The following FOXN3 variants were observed in gnomAD, a reference collection of about 807,000 sequenced individuals.
FOXN3 encodes forkhead box N3, also known as forkhead box protein N3.
A neutral mutation model predicts 38.4 loss-of-function variants in FOXN3; 7 were observed. That is an observed-to-expected ratio of 0.18 (90% CI 0.10 to 0.34). The LOEUF (loss-of-function observed/expected upper bound fraction) is 0.34. Among genes scored for constraint, FOXN3 ranks in the 10% least tolerant of loss-of-function variants. The pLI is 1.00. For missense variants in FOXN3, 456 were observed against 613.4 expected (o/e 0.74, Z 2.71); for synonymous variants, 230 against 242.2 (o/e 0.95, Z 0.47).
chr14:89,554,293 C>G (rs61996530), intron 1 of FOXN3, among the ~76,000 whole-genome samples: 1,859 of 152,212 alleles, frequency 0.012, 8 homozygotes, highest in Middle Eastern at 0.037. Context: ...AGCCACCACG[C>G]CTGGCCTACT....
At chr14:89,606,109 G>A (rs1472529845) in intron 1 of FOXN3, among the ~76,000 whole-genome samples, 1 of 151,926 alleles carries the variant, frequency 6.6e-6, no homozygotes, top group Admixed American at 6.6e-5. Flanking sequence ...AGAATTAGAG[G>A]CTATTATAAA....
At chr14:89,446,500 T>G (rs1218049964) in intron 1 of FOXN3, among the ~76,000 whole-genome samples, 1 of 152,198 alleles carries the variant, frequency 6.6e-6, no homozygotes, top group Admixed American at 6.5e-5. Context: ...TAAAAGTCAC[T>G]TTTTTAAGAA....
intron 5 of FOXN3, among the ~76,000 whole-genome samples, chr14:89,166,766 T>C (rs1347249272): frequency 1.3e-5 from 2 of 152,226 alleles, no homozygotes; most frequent in South Asian, 2.1e-4. Flanking sequence ...AATCCATAAG[T>C]TACACACAAA....
intron 4 of FOXN3, among the ~76,000 whole-genome samples, chr14:89,187,782 T>A (rs7159060): frequency 0.022 from 3,348 of 152,246 alleles, 135 homozygotes; most frequent in African/African-American, 0.077. Context: ...GCCAGCTGGC[T>A]TCCCAAGTGC....
intron 1 of FOXN3, among the ~76,000 whole-genome samples, chr14:89,546,329 C>CTTTTTTTTTTTTTTTTTTTTTT (rs1157998619): frequency 1.0e-4 from 8 of 78,332 alleles, no homozygotes; most frequent in East Asian, 7.4e-4. Flanking sequence ...TTTCCTTTTT[C>CTTTTTTTTTTTTTTTTTTTTTT]TTTTTTTTTT....
At chr14:89,369,413 C>T (rs141726131) in intron 2 of FOXN3, among the ~76,000 whole-genome samples, 2 of 152,236 alleles carry the variant, frequency 1.3e-5, no homozygotes, top group East Asian at 1.9e-4. Flanking sequence ...AAACATTTTA[C>T]GTACATTATT....
In FOXN3 at chr14:89,160,768, C is replaced by T. The variant is rs1204135472; in HGVS notation, c.*1646G>A. 1 of 152,328 alleles carries T rather than the reference C, an allele frequency of 6.6e-6. No homozygotes were observed. The highest frequency in any genetic ancestry group is 1.5e-5 in the Non-Finnish European group (1 of 68,024). 9.4% of individuals were successfully genotyped at this position (152,328 alleles called of 1,614,324 possible). Reference sequence around the variant, plus strand: ...CAGAGTTCAACCATCCAAGCCCTACCAGAGCATGAAGATATTTTTATATTG... The same window carrying T: ...CAGAGTTCAACCATCCAAGCCCTACTAGAGCATGAAGATATTTTTATATTG... On this transcript the variant is annotated 3_prime_UTR_variant, in exon 6 of 6. Coordinates refer to ENST00000557258, the MANE Select transcript of FOXN3 (RefSeq NM_005197.4).
In FOXN3 at chr14:89,536,307, A is replaced by C. The variant is rs1894685746; in HGVS notation, c.-15+82721T>G. ...CTATCTGCATCTCTAAAATGTAAGT[A>C]ATAGCAATAATGACCTTTGTGAAGC... On this transcript the variant is annotated intron_variant, in intron 1 of 6. Transcript: ENST00000345097. Among the ~76,000 whole-genome samples the C allele has an allele frequency of 2.0e-5, 3 of 152,218 alleles. No individual in the cohort carries two copies. In the South Asian group the frequency reaches 6.2e-4, roughly 32 times the overall value.
intron 3 of FOXN3, among the ~76,000 whole-genome samples, chr14:89,339,434 G>A (rs1888552192): frequency 6.6e-6 from 1 of 152,166 alleles, no homozygotes; most frequent in South Asian, 2.1e-4. Context: ...TGAGCCTGCT[G>A]CGACATTGGC....
chr14:89,421,111 G>A (rs1309674380), upstream of FOXN3, among the ~76,000 whole-genome samples: 1 of 148,658 alleles, frequency 6.7e-6, no homozygotes, highest in East Asian at 2.0e-4. Context: ...TTTTTTGTGT[G>A]CTTCTTTCAT....
chr14:89,311,123 C>G (rs1392681873), intron 3 of FOXN3, among the ~76,000 whole-genome samples: 1 of 134,634 alleles, frequency 7.4e-6, no homozygotes, highest in Non-Finnish European at 1.6e-5. Flanking sequence ...AAAAAAAAAC[C>G]TGACATCTTT....
intron 2 of FOXN3, among the ~76,000 whole-genome samples, chr14:89,366,500 C>CT (rs1204850326): frequency 6.6e-6 from 1 of 151,988 alleles, no homozygotes; most frequent in African/African-American, 2.4e-5. Flanking sequence ...CTCTTCGTGC[C>CT]TTTTTTAAAA....
intron 3 of FOXN3, among the ~76,000 whole-genome samples, chr14:89,307,095 T>C (rs1331662178): frequency 6.6e-6 from 1 of 152,218 alleles, no homozygotes; most frequent in East Asian, 1.9e-4. Context: ...AAATAGGCCA[T>C]GTCCCACCCA....
chr14:89,415,071 A>T (rs1283664462), intron 1 of FOXN3, among the ~76,000 whole-genome samples: 1 of 152,228 alleles, frequency 6.6e-6, no homozygotes, highest in Non-Finnish European at 1.5e-5. Flanking sequence ...TTATGAACGA[A>T]TTATAGCACC....
chr14:89,491,274 C>A (rs1893570142), intron 1 of FOXN3, among the ~76,000 whole-genome samples: 1 of 152,180 alleles, frequency 6.6e-6, no homozygotes, highest in Non-Finnish European at 1.5e-5. Context: ...CTGCTCCCGG[C>A]CACTGCTAAC....
intron 3 of FOXN3, among the ~76,000 whole-genome samples, chr14:89,305,774 A>G (rs1887352003): frequency 6.6e-6 from 1 of 152,228 alleles, no homozygotes; most frequent in African/African-American, 2.4e-5. Context: ...ATTCTTATTA[A>G]ACGGATCTAA....
rs1269364225 is a variant in FOXN3, at chr14:89,156,817, A to C, written c.*5597T>G. The C allele has an allele frequency of 2.0e-5, 3 of 152,212 alleles. No homozygotes were observed. The highest frequency in any genetic ancestry group is 1.9e-4 in the East Asian group (1 of 5,194). The allele number at this position is 152,212 out of a possible 1,614,324, so 9.4% of individuals were successfully genotyped here. A position where few individuals can be genotyped will look rare whatever the true frequency, so the allele number is the denominator to read the frequency against. On this transcript the variant is annotated 3_prime_UTR_variant, in exon 6 of 6. Transcript: ENST00000557258. ...ACAGCATGAAACTGGTTACTGAATC[A>C]GCTATGAGCTCAGATGGCCTCAACA...
chr14:89,614,243 A>G (rs1371547534), intron 1 of FOXN3, among the ~76,000 whole-genome samples: 1 of 152,256 alleles, frequency 6.6e-6, no homozygotes, highest in Non-Finnish European at 1.5e-5. Context: ...TAACAGTGAT[A>G]GAACAGATCT....
intron 2 of FOXN3, among the ~76,000 whole-genome samples, chr14:89,383,740 T>A (rs543316268): frequency 8.5e-5 from 13 of 152,342 alleles, no homozygotes; most frequent in Middle Eastern, 3.4e-3. Flanking sequence ...AAATCCATTC[T>A]GACCTCATCT....
Sources: gnomAD v4.1 joint callset for allele counts (sites outside exome capture counted in the v4.1 genomes callset) on GRCh38, gnomAD v4.1.1 for gene constraint, MANE v1.5 for transcripts, NCBI Gene and HGNC (gene_info 2026-07-23, HGNC 2026-07-21) for gene names.